Variants in TAFA1 observed in about 807,000 individuals in gnomAD.
TAFA1 encodes chemokine-like protein TAFA-1.
TAFA1 carries 4 observed loss-of-function variants against 18.5 expected under a neutral mutation model. The ratio of observed to expected loss-of-function variants is 0.22; its 90% CI spans 0.11 to 0.49. The LOEUF is 0.49. Among genes scored for constraint, TAFA1 ranks in the 20% least tolerant of loss-of-function variants. The probability of loss-of-function intolerance (pLI) is 0.98; values close to 1 mark genes in which losing one functional copy is unlikely to be tolerated. For synonymous variants in TAFA1, 56 were observed against 55.2 expected (o/e 1.01, Z -0.06); for missense variants, 147 against 169.0 (o/e 0.87, Z 0.72).
chr3:68,271,315 G>T (rs190856624), intron 2 of TAFA1, among the ~76,000 whole-genome samples: 1 of 152,092 alleles, frequency 6.6e-6, no homozygotes, highest in African/African-American at 2.4e-5. Context: ...GAAGCCCTAG[G>T]ATCACATTTC....
rs965030188 is a variant in TAFA1, at chr3:68,363,094, A to T, written c.119-54186A>T. Among the ~76,000 whole-genome samples the T allele has an allele frequency of 4.1e-5, 6 of 147,830 alleles. No individual in the cohort carries two copies. In the South Asian group the frequency reaches 1.3e-3, roughly 32 times the overall value. ...CCAATTACCTACTGGGGAATTCCTGATGTTACTCTTTCCACTAGTTTATGA... is the reference window on the plus strand; with the variant it reads ...CCAATTACCTACTGGGGAATTCCTGTTGTTACTCTTTCCACTAGTTTATGA... On this transcript the variant is annotated intron_variant, in intron 2 of 4. Transcript: ENST00000478136.
At chr3:68,418,962 C>G (rs2070899920) in intron 3 of TAFA1, among the ~76,000 whole-genome samples, 1 of 152,132 alleles carries the variant, frequency 6.6e-6, no homozygotes, top group African/African-American at 2.4e-5. Context: ...CTTAGAGTAT[C>G]TCATGTGGTT....
chr3:68,463,823 C>T (rs914380691), intron 3 of TAFA1, among the ~76,000 whole-genome samples: 1 of 151,960 alleles, frequency 6.6e-6, no homozygotes, highest in Non-Finnish European at 1.5e-5. Context: ...GAATTATGGA[C>T]CATAGCATTT....
chr3:68,511,508 G>C (rs1293045049), intron 3 of TAFA1, among the ~76,000 whole-genome samples: 1 of 152,046 alleles, frequency 6.6e-6, no homozygotes, highest in Non-Finnish European at 1.5e-5. Context: ...GTATTGAATT[G>C]AGACAATCCA....
At chr3:68,341,001 G>A (rs2069072976) in intron 2 of TAFA1, among the ~76,000 whole-genome samples, 1 of 152,118 alleles carries the variant, frequency 6.6e-6, no homozygotes, top group Admixed American at 6.5e-5. Flanking sequence ...GTAAGATGTT[G>A]ATGTCTAAAA....
chr3:68,529,407 T>C (rs895972645), intron 3 of TAFA1, among the ~76,000 whole-genome samples: 5 of 132,298 alleles, frequency 3.8e-5, no homozygotes, highest in Non-Finnish European at 7.7e-5. Flanking sequence ...ATCTCCCCTT[T>C]GCTCATGGAA....
chr3:68,350,542 TA>T (rs1220045479), intron 2 of TAFA1, among the ~76,000 whole-genome samples: 1 of 152,152 alleles, frequency 6.6e-6, no homozygotes, highest in Non-Finnish European at 1.5e-5. Context: ...TCTGCATTTT[TA>T]AAAAGTCCCA....
intron 2 of TAFA1, among the ~76,000 whole-genome samples, chr3:68,087,599 C>T (rs1247023876): frequency 7.4e-6 from 1 of 135,208 alleles, no homozygotes; most frequent in Non-Finnish European, 1.6e-5. Flanking sequence ...TCCTTCCATT[C>T]TTCCTTCTTC....
intron 3 of TAFA1, among the ~76,000 whole-genome samples, chr3:68,452,696 GTT>G (rs2071586460): frequency 6.6e-6 from 1 of 152,226 alleles, no homozygotes; most frequent in South Asian, 2.1e-4. Context: ...GGATGTCTTT[GTT>G]TTCCATCAGG....
intron 2 of TAFA1, among the ~76,000 whole-genome samples, chr3:68,401,068 G>A (rs995587574): frequency 3.3e-5 from 5 of 152,190 alleles, no homozygotes; most frequent in African/African-American, 7.2e-5. Context: ...GAAAGCAGGC[G>A]TGACCACCAA....
chr3:67,996,673 C>T, the TAFA1 span, among the ~76,000 whole-genome samples: 2 of 151,972 alleles, frequency 1.3e-5, no homozygotes, highest in East Asian at 1.9e-4. Flanking sequence ...GTGGTCTGTG[C>T]CTATAATCCC....
chr3:68,216,047 A>G (rs1469053658), intron 2 of TAFA1, among the ~76,000 whole-genome samples: 1 of 152,098 alleles, frequency 6.6e-6, no homozygotes, highest in Non-Finnish European at 1.5e-5. Context: ...ACTAAGTAAA[A>G]GAAGCCAATC....
Position 68,006,622 on chromosome 3 carries a change from A to C in TAFA1, c.-3-2A>C. 6.2e-7 allele frequency: 1 copy of C among 1,606,616 alleles called. No homozygotes were observed. Among genetic ancestry groups the C allele is most frequent in the Non-Finnish European group, 8.5e-7 (1 of 1,173,180 alleles). Reference sequence around the variant, plus strand: ...ACCTTTCCTGTCGAATGTTCTCTTTAGAGAATGGCAATGGTCTCTGCGATG... The same window carrying C: ...ACCTTTCCTGTCGAATGTTCTCTTTCGAGAATGGCAATGGTCTCTGCGATG... On this transcript the variant is annotated splice_acceptor_variant, in intron 1 of 4. Transcript: ENST00000478136. LOFTEE classifies it low-confidence loss of function (5UTR_SPLICE).
chr3:68,322,422 T>C (rs2068710243), intron 2 of TAFA1, among the ~76,000 whole-genome samples: 1 of 152,190 alleles, frequency 6.6e-6, no homozygotes, highest in Non-Finnish European at 1.5e-5. Context: ...GAGTCAAGTA[T>C]GTTACTTAAT....
chr3:68,127,198 A>T (rs571969564), intron 2 of TAFA1, among the ~76,000 whole-genome samples: 1 of 152,290 alleles, frequency 6.6e-6, no homozygotes, highest in East Asian at 1.9e-4. Context: ...TTGGTCACTG[A>T]AAAGGAGGGG....
intron 2 of TAFA1, among the ~76,000 whole-genome samples, chr3:68,273,833 C>G (rs578068658): frequency 6.6e-6 from 1 of 152,208 alleles, no homozygotes; most frequent in African/African-American, 2.4e-5. Flanking sequence ...CACCAAATTC[C>G]TTTTTAAATC....
At chr3:68,544,434 G>T in intron 4 of TAFA1, 52 bp from the exon 5 acceptor site, 2 of 1,583,414 alleles carry the variant, frequency 1.3e-6, no homozygotes, top group Non-Finnish European at 1.7e-6. Context: ...ATTTCTTTGT[G>T]CCTTCAGTTT....
At chr3:68,051,951 A>G (rs779511209) in intron 2 of TAFA1, among the ~76,000 whole-genome samples, 12 of 152,176 alleles carry the variant, frequency 7.9e-5, no homozygotes, top group Non-Finnish European at 1.5e-4. Flanking sequence ...TGAATATAGG[A>G]CAATTTGAGA....
intron 2 of TAFA1, among the ~76,000 whole-genome samples, chr3:68,296,343 G>T (rs2068207566): frequency 6.6e-6 from 1 of 152,098 alleles, no homozygotes. Context: ...CTGCCTGTTT[G>T]GTTGAATTGT....
Sources: gnomAD v4.1 joint callset for allele counts (sites outside exome capture counted in the v4.1 genomes callset) on GRCh38, gnomAD v4.1.1 for gene constraint, MANE v1.5 for transcripts, NCBI Gene and HGNC (gene_info 2026-07-23, HGNC 2026-07-21) for gene names.